AFF3: variants seen among roughly 807,000 people sequenced by gnomAD.
AFF3 encodes ALF transcription elongation factor 3, also known as AF4/FMR2 family member 3.
Under a neutral mutation model 129.7 loss-of-function variants are expected in AFF3, and 32 were observed. That is an observed-to-expected ratio of 0.25 (90% CI 0.19 to 0.33). The LOEUF (loss-of-function observed/expected upper bound fraction) is 0.33. Among genes scored for constraint, AFF3 ranks in the 10% least tolerant of loss-of-function variants. The pLI, the probability that AFF3 is intolerant of heterozygous loss-of-function variation, is 1.00. For synonymous variants in AFF3, 644 were observed against 635.4 expected, an observed-to-expected ratio of 1.01 and a Z score of -0.20; for missense variants, 1,373 against 1,592.0, an observed-to-expected ratio of 0.86 and a Z score of 2.34.
At chr2:99,627,632 T>C (rs1014713987) in intron 13 of AFF3, among the ~76,000 whole-genome samples, 1 of 152,192 alleles carries the variant, frequency 6.6e-6, no homozygotes, top group African/African-American at 2.4e-5. Context: ...GGCATCTTTG[T>C]CATGAAATCT....
intron 7 of AFF3, among the ~76,000 whole-genome samples, chr2:99,865,755 G>A (rs1408491028): frequency 6.6e-6 from 1 of 152,202 alleles, no homozygotes; most frequent in Non-Finnish European, 1.5e-5. Context: ...CATTAGGAAG[G>A]TGTTCAAAGA....
At chr2:99,979,305 G>GT (rs1387637244) in intron 7 of AFF3, among the ~76,000 whole-genome samples, 1 of 152,092 alleles carries the variant, frequency 6.6e-6, no homozygotes, top group Non-Finnish European at 1.5e-5. Flanking sequence ...GAGGCAGCCT[G>GT]TGAGATGGGC....
intron 7 of AFF3, among the ~76,000 whole-genome samples, chr2:99,855,755 A>G (rs944082700): frequency 2.0e-5 from 3 of 152,180 alleles, no homozygotes; most frequent in Non-Finnish European, 2.9e-5. Context: ...TGAGCTGCCA[A>G]TGGTGACTTC....
At chr2:100,024,226 C>T (rs1363845516) in intron 4 of AFF3, among the ~76,000 whole-genome samples, 3 of 102,694 alleles carry the variant, frequency 2.9e-5, no homozygotes, top group Admixed American at 2.3e-4. Flanking sequence ...AGCAAGACTC[C>T]GTCTCAAAAA....
chr2:99,874,819 C>G lies in AFF3; in HGVS notation c.874-37295G>C, dbSNP rs914969016. Among the ~76,000 whole-genome samples, 13 of 151,944 alleles carry G rather than the reference C, an allele frequency of 8.6e-5. No homozygotes were observed. The East Asian group carries it at 1.2e-3, about 14-fold the overall frequency. ...TGTCTGTGTTTATGTAAGAGCTTGT[C>G]CTTGTTCTTAGGAAATACATTGAAA... On this transcript the variant is annotated intron_variant, in intron 7 of 24. Transcript: ENST00000672756.
At chr2:99,630,937 C>A in intron 13 of AFF3, 1 of 408,044 alleles carries the variant, frequency 2.5e-6, no homozygotes, top group African/African-American at 2.1e-5. Context: ...AGTGACGTAG[C>A]AGAGAACACA....
chr2:99,917,068 G>C (rs1695521132), intron 7 of AFF3, among the ~76,000 whole-genome samples: 1 of 152,180 alleles, frequency 6.6e-6, no homozygotes, highest in African/African-American at 2.4e-5. Context: ...TGAGCCCACT[G>C]TACAGGCAGG....
intron 10 of AFF3, among the ~76,000 whole-genome samples, chr2:99,739,042 T>C (rs1680497099): frequency 6.7e-6 from 1 of 148,736 alleles, no homozygotes; most frequent in Non-Finnish European, 1.5e-5. Context: ...AATATTATGG[T>C]ACTTTTTGTT....
intron 15 of AFF3, among the ~76,000 whole-genome samples, chr2:99,591,385 C>T (rs1678662722): frequency 6.6e-6 from 1 of 152,052 alleles, no homozygotes; most frequent in Non-Finnish European, 1.5e-5. Context: ...TGGGATTTTA[C>T]CATGTTGTCC....
chr2:99,643,682 T>G (rs1419544683), intron 13 of AFF3, among the ~76,000 whole-genome samples: 2 of 151,862 alleles, frequency 1.3e-5, no homozygotes, highest in Non-Finnish European at 1.5e-5. Flanking sequence ...TGACAAGGGG[T>G]CAGGAAGATG....
chr2:99,809,414 C>A (rs552770717), intron 8 of AFF3, among the ~76,000 whole-genome samples: 7 of 152,318 alleles, frequency 4.6e-5, no homozygotes, highest in African/African-American at 1.4e-4. Context: ...TTGCACCCTG[C>A]TGGGGGTCAC....
chr2:100,134,532 A>G (rs1479013983), intron 1 of AFF3, among the ~76,000 whole-genome samples: 1 of 152,132 alleles, frequency 6.6e-6, no homozygotes, highest in South Asian at 2.1e-4. Context: ...TTTCATTTAT[A>G]CTTTATTTAT....
intron 13 of AFF3, among the ~76,000 whole-genome samples, chr2:99,644,114 A>T (rs1314188360): frequency 1.3e-5 from 2 of 152,228 alleles, no homozygotes; most frequent in African/African-American, 4.8e-5. Flanking sequence ...TGAATAAATC[A>T]ATGGCAGTTG....
At chr2:100,055,462 T>TAAAAAAAAAAAAAAAAAAAAAA (rs55713850) in intron 4 of AFF3, among the ~76,000 whole-genome samples, 1 of 128,498 alleles carries the variant, frequency 7.8e-6, no homozygotes, top group African/African-American at 3.0e-5. Flanking sequence ...CTAGAAATCT[T>TAAAAAAAAAAAAAAAAAAAAAA]AAAAAAAAAA....
intron 7 of AFF3, among the ~76,000 whole-genome samples, chr2:99,898,585 C>G (rs370138500): frequency 5.3e-5 from 8 of 152,166 alleles, no homozygotes; most frequent in Non-Finnish European, 1.2e-4. Flanking sequence ...TTCTCTGCCC[C>G]GGGCATGGCA....
At chr2:99,808,202 G>A (rs1686506567) in intron 8 of AFF3, among the ~76,000 whole-genome samples, 3 of 152,264 alleles carry the variant, frequency 2.0e-5, no homozygotes, top group South Asian at 4.2e-4. Context: ...CACTCTCAAG[G>A]TTTTCTCAAG....
intron 10 of AFF3, among the ~76,000 whole-genome samples, chr2:99,736,466 T>C (rs1414040878): frequency 6.6e-6 from 1 of 152,158 alleles, no homozygotes; most frequent in Non-Finnish European, 1.5e-5. Context: ...TTTCCTAACC[T>C]TTTTCCTTTC....
At chr2:99,849,385 G>T (rs1203717618) in intron 7 of AFF3, among the ~76,000 whole-genome samples, 1 of 152,136 alleles carries the variant, frequency 6.6e-6, no homozygotes, top group African/African-American at 2.4e-5. Flanking sequence ...CTAATTTGTT[G>T]CTGGGTCCTC....
rs145477912 is a variant in AFF3 at position 100,027,912 on chromosome 2, T to C, written c.54-18980A>G. On this transcript the variant is annotated intron_variant, in intron 4 of 24. Coordinates refer to ENST00000672756, the MANE Select transcript of AFF3 (RefSeq NM_001386135.1). ...TTAAACATTAAAGGTTGTTAACTAATAGTATCTCATTACTTTACTATGAAA... is the reference window on the plus strand; with the variant it reads ...TTAAACATTAAAGGTTGTTAACTAACAGTATCTCATTACTTTACTATGAAA... 2.5e-3 allele frequency among the ~76,000 whole-genome samples: 383 copies of C among 152,332 alleles called. 1 individual carries two copies. Among genetic ancestry groups the C allele is most frequent in the African/African-American group, 8.6e-3 (358 of 41,590 alleles).
Sources: allele counts gnomAD v4.1 joint callset (sites outside exome capture counted in the v4.1 genomes callset), GRCh38; gene constraint gnomAD v4.1.1; transcripts MANE v1.5; gene names NCBI Gene and HGNC (gene_info 2026-07-23, HGNC 2026-07-21).